The following EIF4E3 variants were observed in gnomAD, a reference collection of about 807,000 sequenced individuals.
EIF4E3 encodes eukaryotic translation initiation factor 4E type 3.
EIF4E3 carries 26 observed loss-of-function variants against 31.7 expected under a neutral mutation model. The ratio of observed to expected loss-of-function variants is 0.82; its 90% CI spans 0.60 to 1.14. The LOEUF (loss-of-function observed/expected upper bound fraction) is 1.14, where lower values mean the gene tolerates loss of function less well. Ranked by LOEUF, EIF4E3 falls within the 50% of genes most tolerant of loss-of-function variation. The pLI is 0.00. For missense variants in EIF4E3, 304 were observed against 270.9 expected, an observed-to-expected ratio of 1.12 and a Z score of -0.86; for synonymous variants, 128 against 107.7, an observed-to-expected ratio of 1.19 and a Z score of -1.17.
At chr3:71,706,682 T>C (rs1559598739) in intron 2 of EIF4E3, among the ~76,000 whole-genome samples, 1 of 152,028 alleles carries the variant, frequency 6.6e-6, no homozygotes, top group Non-Finnish European at 1.5e-5. Context: ...TAGCTGGGTG[T>C]GGTAGCACAT....
In EIF4E3 at chr3:71,703,196, T is replaced by C. The variant is rs114002940; in HGVS notation, c.250-3488A>G. On this transcript the variant is annotated intron_variant, in intron 2 of 6. Coordinates refer to ENST00000425534, the MANE Select transcript of EIF4E3 (RefSeq NM_001134651.2). Reference sequence around the variant, plus strand: ...TTCAGTCAACATCTGTGACCATCAGTTGTGAACAGAGCACTGTGACGGGTC... The same window carrying C: ...TTCAGTCAACATCTGTGACCATCAGCTGTGAACAGAGCACTGTGACGGGTC... Among the ~76,000 whole-genome samples the C allele has an allele frequency of 6.1e-3, 931 of 152,286 alleles. 6 individuals carry two copies. The highest frequency in any genetic ancestry group is 0.021 in the African/African-American group (882 of 41,552).
intron 1 of EIF4E3, among the ~76,000 whole-genome samples, chr3:71,735,339 A>G (rs957126683): frequency 6.6e-6 from 1 of 152,366 alleles, no homozygotes; most frequent in Admixed American, 6.5e-5. Context: ...ACATAAAACG[A>G]AAATGAATCC....
chr3:71,734,775 C>G (rs2049744023), intron 1 of EIF4E3, among the ~76,000 whole-genome samples: 1 of 152,166 alleles, frequency 6.6e-6, no homozygotes, highest in African/African-American at 2.4e-5. Flanking sequence ...TAAGTTGTTG[C>G]ATCATCTCTG....
intron 2 of EIF4E3, among the ~76,000 whole-genome samples, chr3:71,700,946 T>C (rs1479367377): frequency 6.6e-6 from 1 of 152,130 alleles, no homozygotes; most frequent in Non-Finnish European, 1.5e-5. Context: ...CATGACAGGC[T>C]TGGTGTCCTT....
chr3:71,696,069 T>C (rs2049131685), intron 4 of EIF4E3, among the ~76,000 whole-genome samples: 1 of 152,134 alleles, frequency 6.6e-6, no homozygotes, highest in African/African-American at 2.4e-5. Flanking sequence ...CTGCTTTTGT[T>C]CCCCCTGTAG....
the EIF4E3 span, among the ~76,000 whole-genome samples, chr3:71,663,047 C>T: frequency 6.6e-6 from 1 of 152,094 alleles, no homozygotes; most frequent in Non-Finnish European, 1.5e-5. Flanking sequence ...CATGAATACT[C>T]AAAACTGAAC....
intron 1 of EIF4E3, among the ~76,000 whole-genome samples, chr3:71,724,823 C>G (rs892377258): frequency 1.4e-4 from 21 of 152,322 alleles, no homozygotes; most frequent in Non-Finnish European, 3.1e-4. Flanking sequence ...GCGGGGTAAG[C>G]AGGACAGCCC....
upstream of EIF4E3, among the ~76,000 whole-genome samples, chr3:71,725,557 C>T (rs1578377723): frequency 1.3e-5 from 2 of 150,652 alleles, no homozygotes; most frequent in Admixed American, 1.3e-4. The surrounding 1 kb of genome is among the most constrained non-coding windows in gnomAD (Gnocchi z 6.1). Context: ...GTGGGAGGCA[C>T]GGCCGGGCCG....
intron 1 of EIF4E3, among the ~76,000 whole-genome samples, chr3:71,742,214 C>T (rs2049827974): frequency 6.6e-6 from 1 of 151,916 alleles, no homozygotes; most frequent in Admixed American, 6.6e-5. Flanking sequence ...AAGTAAAAAT[C>T]TGGTTATTTG....
At chr3:71,695,663 T>C (rs1196696977) in intron 4 of EIF4E3, among the ~76,000 whole-genome samples, 1 of 152,218 alleles carries the variant, frequency 6.6e-6, no homozygotes, top group African/African-American at 2.4e-5. Flanking sequence ...TCTTTAGGTA[T>C]GTTCTTATAG....
chr3:71,737,158 G>T (rs1017626108), intron 1 of EIF4E3, among the ~76,000 whole-genome samples: 1 of 152,148 alleles, frequency 6.6e-6, no homozygotes, highest in African/African-American at 2.4e-5. Flanking sequence ...CCCAGCAAGA[G>T]GTATGGAGTT....
chr3:71,690,428 A>G (rs1290902556), intron 5 of EIF4E3, among the ~76,000 whole-genome samples: 3 of 152,198 alleles, frequency 2.0e-5, no homozygotes, highest in African/African-American at 7.2e-5. Flanking sequence ...CCAGATAAGT[A>G]ATTTACCCTT....
rs567910856 is a variant in EIF4E3, at chr3:71,693,494, G to A, written c.472+381C>T. On this transcript the variant is annotated intron_variant, in intron 5 of 6. Coordinates refer to ENST00000425534, the MANE Select transcript of EIF4E3 (RefSeq NM_001134651.2). ...GACACTGAAGACACTTTCCCCTTCT[G>A]GAAGAACTGGAACAGATAATGGAAC... 2.4e-3 allele frequency among the ~76,000 whole-genome samples: 370 copies of A among 152,204 alleles called. 1 individual carries two copies. The highest frequency in any genetic ancestry group is 2.7e-3 in the Non-Finnish European group (181 of 68,008).
At chr3:71,738,359 C>G (rs1481074869) in intron 1 of EIF4E3, among the ~76,000 whole-genome samples, 1 of 151,938 alleles carries the variant, frequency 6.6e-6, no homozygotes, top group Non-Finnish European at 1.5e-5. Context: ...GATTAAATAA[C>G]AAGCAAATAC....
the EIF4E3 span, among the ~76,000 whole-genome samples, chr3:71,666,086 A>C: frequency 6.6e-6 from 1 of 152,208 alleles, no homozygotes; most frequent in East Asian, 1.9e-4. Flanking sequence ...GACAAGAAAT[A>C]ACTAATATCA....
chr3:71,687,066 T>C (rs112212629), intron 6 of EIF4E3, among the ~76,000 whole-genome samples: 1 of 152,216 alleles, frequency 6.6e-6, no homozygotes, highest in Non-Finnish European at 1.5e-5. Context: ...AATGGTGTGA[T>C]CCTGGCTCAC....
intron 1 of EIF4E3, among the ~76,000 whole-genome samples, chr3:71,750,644 G>A (rs1423225127): frequency 6.6e-6 from 1 of 152,180 alleles, no homozygotes. Context: ...CCTCAGCTGG[G>A]TGTGGTGGCT....
chr3:71,694,860 GC>G (rs2049113328), intron 4 of EIF4E3, among the ~76,000 whole-genome samples: 1 of 152,118 alleles, frequency 6.6e-6, no homozygotes, highest in Non-Finnish European at 1.5e-5. Context: ...TGCACAAAGG[GC>G]TTAGTACAAT....
At chr3:71,724,815 G>A (rs1292636492) in intron 1 of EIF4E3, among the ~76,000 whole-genome samples, 1 of 152,172 alleles carries the variant, frequency 6.6e-6, no homozygotes, top group Non-Finnish European at 1.5e-5. Context: ...GGCGCCCCGC[G>A]GGGTAAGCAG....
Sources: allele counts gnomAD v4.1 joint callset (sites outside exome capture counted in the v4.1 genomes callset), GRCh38; gene constraint gnomAD v4.1.1; non-coding constraint Gnocchi (gnomAD v3.1); transcripts MANE v1.5; gene names NCBI Gene and HGNC (gene_info 2026-07-23, HGNC 2026-07-21).